The following SH3KBP1 variants were observed in gnomAD, a reference collection of about 807,000 sequenced individuals.
The protein encoded by SH3KBP1 is SH3 domain-containing kinase-binding protein 1.
A neutral mutation model predicts 50.1 loss-of-function variants in SH3KBP1; 8 were observed. The observed-to-expected ratio is 0.16, with a 90% CI of 0.09 to 0.29. The LOEUF (loss-of-function observed/expected upper bound fraction) is 0.29, where lower values mean the gene tolerates loss of function less well. Among genes scored for constraint, SH3KBP1 ranks in the 10% least tolerant of loss-of-function variants. The probability of loss-of-function intolerance (pLI) is 1.00; values close to 1 mark genes in which losing one functional copy is unlikely to be tolerated. For missense variants in SH3KBP1, 377 were observed against 535.2 expected, an observed-to-expected ratio of 0.70 and a Z score of 2.92; for synonymous variants, 227 against 218.6, an observed-to-expected ratio of 1.04 and a Z score of -0.34.
chrX:19,711,070 G>A (rs1401090215), intron 3 of SH3KBP1, among the ~76,000 whole-genome samples: 1 of 111,311 alleles, frequency 9.0e-6, no homozygotes, highest in Non-Finnish European at 1.9e-5. Flanking sequence ...GAGGCACATA[G>A]AGATCATGTA....
At chrX:19,878,366 C>T (rs1012519224) in intron 1 of SH3KBP1, among the ~76,000 whole-genome samples, 5 of 100,881 alleles carry the variant, frequency 5.0e-5, no homozygotes, top group African/African-American at 1.1e-4. Context: ...TGCAGTGGTG[C>T]GATGTCGGCT....
chrX:19,616,394 A>C (rs765780341), intron 8 of SH3KBP1, among the ~76,000 whole-genome samples: 1 of 111,834 alleles, frequency 8.9e-6, no homozygotes, highest in Non-Finnish European at 1.9e-5. Context: ...TTCTTTTTAC[A>C]TACTATATAA....
chrX:19,797,485 G>C (rs935973527), intron 2 of SH3KBP1, among the ~76,000 whole-genome samples: 2 of 111,814 alleles, frequency 1.8e-5, no homozygotes, highest in Non-Finnish European at 3.8e-5. Flanking sequence ...GACCATACGA[G>C]GCCCAGTAGA....
chrX:19,617,864 G>A lies in SH3KBP1; in HGVS notation c.898-9819C>T, dbSNP rs758289064. Among the ~76,000 whole-genome samples, 7 of 111,648 alleles carry A rather than the reference G, an allele frequency of 6.3e-5. No homozygotes were observed. In the East Asian group the frequency reaches 2.0e-3, roughly 31 times the overall value. On this transcript the variant is annotated intron_variant, in intron 8 of 17. Transcript: ENST00000397821. Reference sequence around the variant, plus strand: ...ACATAGGTGAGGAAATGCTACAGAAGTAACCTTTGAGTTCAGATGTCATTA... The same window carrying A: ...ACATAGGTGAGGAAATGCTACAGAAATAACCTTTGAGTTCAGATGTCATTA...
At chrX:19,884,327 TTGGATGGA>T (rs777068068) in intron 1 of SH3KBP1, among the ~76,000 whole-genome samples, 1 of 112,476 alleles carries the variant, frequency 8.9e-6, no homozygotes, top group East Asian at 2.8e-4. Context: ...TCAACAAACA[TTGGATGGA>T]TGGATGGATG....
At chrX:19,715,082 T>C (rs2063873873) in intron 3 of SH3KBP1, among the ~76,000 whole-genome samples, 1 of 110,936 alleles carries the variant, frequency 9.0e-6, no homozygotes, top group Non-Finnish European at 1.9e-5. Context: ...AAGACCAGCC[T>C]GGGCAACATG....
At chrX:19,623,042 CAAAAAAAAAAA>C (rs773914815) in intron 8 of SH3KBP1, among the ~76,000 whole-genome samples, 12 of 22,249 alleles carry the variant, frequency 5.4e-4, no homozygotes, top group African/African-American at 1.1e-3. Flanking sequence ...CACTCTGACT[CAAAAAAAAAAA>C]AAAAAAAAAA....
intron 3 of SH3KBP1, among the ~76,000 whole-genome samples, chrX:19,732,744 G>A (rs1030031753): frequency 9.0e-6 from 1 of 110,825 alleles, no homozygotes; most frequent in African/African-American, 3.3e-5. Context: ...TGACTGATAG[G>A]TACTAATAAT....
intron 16 of SH3KBP1, 37 bp downstream of exon 16, chrX:19,541,887 AC>A (rs775367778): frequency 1.7e-6 from 2 of 1,179,294 alleles, no homozygotes; most frequent in Admixed American, 4.6e-5. Flanking sequence ...GCAGAGAGCA[AC>A]CTGGGTGACG....
chrX:19,718,823 C>T (rs1053320667), intron 3 of SH3KBP1, among the ~76,000 whole-genome samples: 2 of 110,850 alleles, frequency 1.8e-5, no homozygotes, highest in African/African-American at 6.6e-5. Flanking sequence ...CATCTGTAGC[C>T]CACATTAGTC....
chrX:19,796,015 C>T (rs1057251251), intron 2 of SH3KBP1, among the ~76,000 whole-genome samples: 1 of 111,488 alleles, frequency 9.0e-6, no homozygotes, highest in Non-Finnish European at 1.9e-5. Flanking sequence ...CGGTGGGCCA[C>T]GTAATCAGTT....
At chrX:19,786,192 G>A (rs905784505) in intron 2 of SH3KBP1, among the ~76,000 whole-genome samples, 2 of 111,505 alleles carry the variant, frequency 1.8e-5, no homozygotes, top group Non-Finnish European at 1.9e-5. Context: ...AATGTACTCT[G>A]CATGTCTGGG....
chrX:19,595,563 A>AT (rs1342779296), intron 9 of SH3KBP1, among the ~76,000 whole-genome samples: 4 of 103,815 alleles, frequency 3.9e-5, no homozygotes, highest in East Asian at 6.0e-4. Flanking sequence ...ACAGAGAGGG[A>AT]TTTTTTTTGT....
chrX:19,837,391 G>C (rs2068087519), intron 1 of SH3KBP1, among the ~76,000 whole-genome samples: 1 of 108,630 alleles, frequency 9.2e-6, no homozygotes, highest in Non-Finnish European at 1.9e-5. Context: ...CCAAAAATTA[G>C]TTAACTTATG....
intron 15 of SH3KBP1, 147 bp from the exon 16 acceptor site, chrX:19,542,340 A>G (rs1445165979): frequency 1.8e-6 from 1 of 557,527 alleles, no homozygotes; most frequent in East Asian, 4.0e-5. Flanking sequence ...ACAAGCCACC[A>G]AGGGCCTGCT....
intron 12 of SH3KBP1, among the ~76,000 whole-genome samples, chrX:19,581,873 A>G (rs188105826): frequency 0.023 from 2,423 of 105,499 alleles, 68 homozygotes; most frequent in African/African-American, 0.079. Flanking sequence ...AAAAAAAAAA[A>G]GCGATTCCAC....
intron 1 of SH3KBP1, among the ~76,000 whole-genome samples, chrX:19,844,323 G>A (rs1173138434): frequency 1.8e-5 from 2 of 111,671 alleles, no homozygotes; most frequent in Non-Finnish European, 3.8e-5. Context: ...GTGACTGAGT[G>A]CACCATACGA....
intron 2 of SH3KBP1, chrX:19,799,536 C>A: frequency 1.1e-6 from 1 of 877,503 alleles, no homozygotes; most frequent in Non-Finnish European, 1.7e-6. Context: ...GACCAAATTC[C>A]CCATCATGCC....
intron 8 of SH3KBP1, among the ~76,000 whole-genome samples, chrX:19,627,846 T>C (rs1831611467): frequency 8.9e-6 from 1 of 112,218 alleles, no homozygotes; most frequent in African/African-American, 3.2e-5. Context: ...TCAGAGGAAT[T>C]CGGGGTCTAT....
Sources: allele counts gnomAD v4.1 joint callset (sites outside exome capture counted in the v4.1 genomes callset), GRCh38; gene constraint gnomAD v4.1.1; transcripts MANE v1.5; gene names NCBI Gene and HGNC (gene_info 2026-07-23, HGNC 2026-07-21).